Variants in TLK2 observed in about 807,000 individuals in gnomAD.
The protein encoded by TLK2 is tousled like kinase 2, also known as serine/threonine-protein kinase tousled-like 2.
In TLK2, 6 loss-of-function variants were observed where a neutral mutation model predicts 117.3. The observed-to-expected ratio is 0.05, with a 90% CI of 0.03 to 0.10. The LOEUF is 0.10. Ranked by LOEUF, TLK2 falls within the 10% of genes least tolerant of loss-of-function variation. The pLI, the probability that TLK2 is intolerant of heterozygous loss-of-function variation, is 1.00. For synonymous variants in TLK2, 257 were observed against 316.7 expected (o/e 0.81, Z 2.00); for missense variants, 299 against 901.2 (o/e 0.33, Z 8.56).
At chr17:62,584,397 G>T (rs2081458904) in intron 15 of TLK2, among the ~76,000 whole-genome samples, 1 of 152,090 alleles carries the variant, frequency 6.6e-6, no homozygotes. Flanking sequence ...TTACAGGTGT[G>T]AGCCATCGCG....
chr17:62,569,031 GGT>G (rs72091093), intron 11 of TLK2, among the ~76,000 whole-genome samples: 101,230 of 151,454 alleles, frequency 0.67, 34,056 homozygotes, highest in East Asian at 0.81. Flanking sequence ...GGCTGGTTGT[GGT>G]GTGGCTCATG....
chr17:62,502,503 C>T (rs899565507), intron 2 of TLK2, among the ~76,000 whole-genome samples: 4 of 152,242 alleles, frequency 2.6e-5, no homozygotes, highest in East Asian at 3.9e-4. Flanking sequence ...TAATTGTTTT[C>T]GCAACCTCTA....
chr17:62,512,731 G>T (rs188135277), intron 2 of TLK2, among the ~76,000 whole-genome samples: 206 of 151,914 alleles, frequency 1.4e-3, no homozygotes, highest in African/African-American at 4.7e-3. Context: ...AGAGCTTTTG[G>T]TGTCAAGTCT....
At chr17:62,554,077 T>C (rs2078670650) in intron 9 of TLK2, among the ~76,000 whole-genome samples, 1 of 152,216 alleles carries the variant, frequency 6.6e-6, no homozygotes, top group African/African-American at 2.4e-5. Flanking sequence ...GAAGTTATTT[T>C]AATATTGTTG....
chr17:62,496,977 A>T (rs1296515042), intron 2 of TLK2, among the ~76,000 whole-genome samples: 49 of 150,488 alleles, frequency 3.3e-4, no homozygotes, highest in African/African-American at 1.1e-3. Flanking sequence ...AAAAAAAAAA[A>T]GTTCTTTGGC....
At chr17:62,559,460 T>C (rs1317666429) in intron 9 of TLK2, among the ~76,000 whole-genome samples, 40 of 151,584 alleles carry the variant, frequency 2.6e-4, no homozygotes, top group Non-Finnish European at 1.3e-4. Flanking sequence ...CTCACTGCAG[T>C]CTTCGCCTTT....
intron 7 of TLK2, among the ~76,000 whole-genome samples, chr17:62,547,096 G>A (rs2078006203): frequency 6.6e-6 from 1 of 151,672 alleles, no homozygotes; most frequent in African/African-American, 2.4e-5. Context: ...TTATCTAAAT[G>A]CAGAGTTTCA....
intron 20 of TLK2, 57 bp downstream of exon 20, chr17:62,606,298 C>A: frequency 3.8e-6 from 4 of 1,051,262 alleles, no homozygotes; most frequent in Non-Finnish European, 4.3e-6. Context: ...CACACACACA[C>A]ACAGTGCCTT....
At chr17:62,545,290 G>A (rs2077821116) in intron 7 of TLK2, among the ~76,000 whole-genome samples, 1 of 152,166 alleles carries the variant, frequency 6.6e-6, no homozygotes, top group Non-Finnish European at 1.5e-5. Flanking sequence ...TTCCTAAAGT[G>A]CTGGGATTGT....
intron 6 of TLK2, among the ~76,000 whole-genome samples, chr17:62,527,532 A>C (rs1567854079): frequency 6.6e-6 from 1 of 150,652 alleles, no homozygotes; most frequent in African/African-American, 2.4e-5. Context: ...ACATAGATGA[A>C]TTTTTTTTTG....
chr17:62,599,230 A>G (rs1447678220), intron 17 of TLK2, among the ~76,000 whole-genome samples: 4 of 152,214 alleles, frequency 2.6e-5, no homozygotes, highest in Non-Finnish European at 4.4e-5. Context: ...TACAGCAGAC[A>G]TTTGTTTTCA....
chr17:62,605,956 A>G, intron 19 of TLK2, 174 bp from the exon 20 acceptor site: 1 of 296,496 alleles, frequency 3.4e-6, no homozygotes. Flanking sequence ...GTAATGAGCC[A>G]TGATCACGCC....
At position 62,490,029 on chromosome 17, in the gene TLK2, C is replaced by A. The variant is rs570000830; in HGVS notation, c.81+8823C>A. ...TATTTTTAGTAGAGATTGGTTTCAC[C>A]ATGTTGGCCAGGCTGGTCTTGAACT... is the stretch of plus-strand genomic sequence containing the variant. On this transcript the variant is annotated intron_variant, in intron 2 of 21. Transcript: ENST00000346027. Among the ~76,000 whole-genome samples, 8 of 152,328 alleles carry A rather than the reference C, an allele frequency of 5.3e-5. No homozygotes were observed. In the South Asian group the frequency reaches 1.7e-3, roughly 32 times the overall value.
intron 12 of TLK2, 37 bp downstream of exon 12, chr17:62,573,404 A>G (rs1479974966): frequency 6.9e-6 from 11 of 1,599,914 alleles, no homozygotes; most frequent in Non-Finnish European, 8.5e-6. Flanking sequence ...GAGACACCAC[A>G]CCCTGCCCCC....
intron 11 of TLK2, among the ~76,000 whole-genome samples, chr17:62,568,923 A>T (rs918683965): frequency 6.6e-6 from 1 of 152,148 alleles, no homozygotes; most frequent in Non-Finnish European, 1.5e-5. Flanking sequence ...TGTTGATTTT[A>T]TAAACATTAG....
chr17:62,545,804 G>A lies in TLK2; in HGVS notation c.532-6498G>A, dbSNP rs184680511. On this transcript the variant is annotated intron_variant, in intron 7 of 21. Transcript: ENST00000346027. The stretch of plus-strand genomic sequence containing the variant: ...TACAGCCTCAACTGCTTGGGCTCAA[G>A]CCATCCTCCCACCTCAGCCTCCCCA... Among the ~76,000 whole-genome samples, 869 of 152,096 alleles carry A rather than the reference G, an allele frequency of 5.7e-3. 8 individuals carry two copies. The highest frequency in any genetic ancestry group is 0.02 in the African/African-American group (828 of 41,500).
chr17:62,603,255 C>T (rs1049719293), intron 19 of TLK2, among the ~76,000 whole-genome samples: 2 of 152,182 alleles, frequency 1.3e-5, no homozygotes, highest in Non-Finnish European at 2.9e-5. Context: ...GCCAATAACA[C>T]CATGGACACA....
intron 2 of TLK2, among the ~76,000 whole-genome samples, chr17:62,515,283 G>A (rs1423711006): frequency 6.6e-6 from 1 of 152,202 alleles, no homozygotes; most frequent in East Asian, 1.9e-4. Flanking sequence ...TAATACTGCC[G>A]TGAACATGGT....
intron 2 of TLK2, among the ~76,000 whole-genome samples, chr17:62,487,847 T>A (rs1339178782): frequency 6.6e-6 from 1 of 152,056 alleles, no homozygotes; most frequent in Non-Finnish European, 1.5e-5. Context: ...GTTCTTGAAC[T>A]TCCGACCTCA....
Sources: gnomAD v4.1 joint callset for allele counts (sites outside exome capture counted in the v4.1 genomes callset) on GRCh38, gnomAD v4.1.1 for gene constraint, MANE v1.5 for transcripts, NCBI Gene and HGNC (gene_info 2026-07-23, HGNC 2026-07-21) for gene names.